SLCO4A1: variants seen among roughly 807,000 people sequenced by gnomAD.
SLCO4A1 encodes solute carrier organic anion transporter family member 4A1, also known as colon organic anion transporter.
SLCO4A1 carries 51 observed loss-of-function variants against 64.6 expected under a neutral mutation model. The ratio of observed to expected loss-of-function variants is 0.79; its 90% CI spans 0.63 to 1.00. The LOEUF (loss-of-function observed/expected upper bound fraction) is 1.00, where lower values mean the gene tolerates loss of function less well. Among genes scored for constraint, SLCO4A1 ranks in the 50% least tolerant of loss-of-function variants. SLCO4A1 has a pLI of 0.00. For missense variants in SLCO4A1, 919 were observed against 980.5 expected (o/e 0.94, Z 0.84); for synonymous variants, 471 against 444.9 (o/e 1.06, Z -0.74).
rs1176831370 is a variant in SLCO4A1 at position 62,657,147 on chromosome 20, G to A, written c.693G>A (p.Met231Ile). The change falls in exon 2 of 12, where the codon ATG becomes ATA. Residue 231 changes from methionine to isoleucine, a missense_variant. Coordinates refer to ENST00000217159, the MANE Select transcript of SLCO4A1 (RefSeq NM_016354.4). The part of the protein sequence containing the change: ...SGLSRYQLVF[M>I]LGQFLHGVGA... ...TGTCCCGCTACCAGCTGGTCTTCAT[G>A]CTGGGCCAGTTCCTGCATGGCGTGG... The A allele has an allele frequency of 6.4e-7, 1 of 1,564,464 alleles. No homozygotes were observed.
At chr20:62,666,290 C>T in intron 6 of SLCO4A1, 90 bp from the exon 7 acceptor site, 1 of 1,159,804 alleles carries the variant, frequency 8.6e-7, no homozygotes, top group Non-Finnish European at 1.3e-6. Flanking sequence ...CTCAGTTTCC[C>T]CACCTGTAAA....
chr20:62,652,397 G>T (rs1163992218), intron 1 of SLCO4A1, among the ~76,000 whole-genome samples: 1 of 152,176 alleles, frequency 6.6e-6, no homozygotes, highest in Non-Finnish European at 1.5e-5. Context: ...GGCCTCTGAG[G>T]TTGCTTTCTG....
chr20:62,660,453 G>A lies in SLCO4A1; in HGVS notation c.929G>A (p.Trp310Ter), dbSNP rs761792817. The A allele has an allele frequency of 1.9e-6, 3 of 1,601,690 alleles. No homozygotes were observed. The highest frequency in any genetic ancestry group is 1.1e-5 in the South Asian group (1 of 91,068). ...TTESPLWVGA[W>*]WVGFLGSGAA... ...GAGAGCCCACTGTGGGTCGGCGCCT[G>A]GTGGGTCGGCTTCCTGGGCTCTGGG... The change falls in exon 4 of 12, where the codon TGG becomes TAG. Residue 310 changes from tryptophan (W) to a stop codon, truncating the protein, a stop_gained. Coordinates refer to ENST00000217159, the MANE Select transcript of SLCO4A1 (RefSeq NM_016354.4). LOFTEE classifies it high-confidence loss of function.
chr20:62,686,425 T>G (rs151206550), downstream of SLCO4A1, among the ~76,000 whole-genome samples: 1 of 152,172 alleles, frequency 6.6e-6, no homozygotes, highest in Non-Finnish European at 1.5e-5. Flanking sequence ...TCAGGATGAA[T>G]GCAACTCCGC....
In SLCO4A1 at chr20:62,657,060, C is replaced by T. The variant is rs780728254; in HGVS notation, c.606C>T (p.Asp202=). The T allele has an allele frequency of 1.1e-5, 18 of 1,598,408 alleles. No individual in the cohort carries two copies. Among genetic ancestry groups the T allele is most frequent in the East Asian group, 4.5e-5 (2 of 44,554 alleles). The change falls in exon 2 of 12, where the codon GAC becomes GAT. Residue 202 remains aspartate (D), a synonymous_variant. Transcript: ENST00000217159. ...FTAGRYEVEL[D]AGVRTCPANP... ...CTGGCCGCTATGAGGTGGAGTTGGACGCGGGTGTCAGGACGTGCCCTGCCA... is the reference window on the plus strand; with the variant it reads ...CTGGCCGCTATGAGGTGGAGTTGGATGCGGGTGTCAGGACGTGCCCTGCCA...
intron 3 of SLCO4A1, among the ~76,000 whole-genome samples, chr20:62,659,923 A>G (rs1984453038): frequency 6.6e-6 from 1 of 152,150 alleles, no homozygotes; most frequent in African/African-American, 2.4e-5. Flanking sequence ...GCCCATGGTT[A>G]TTTTCCACTC....
intron 7 of SLCO4A1, among the ~76,000 whole-genome samples, chr20:62,667,009 C>T (rs1030817236): frequency 2.0e-5 from 3 of 152,222 alleles, no homozygotes; most frequent in East Asian, 1.9e-4. Context: ...CCAAAATACA[C>T]GTAGGTAGCC....
At chr20:62,648,058 C>T (rs1258733837) in intron 1 of SLCO4A1, among the ~76,000 whole-genome samples, 5 of 152,246 alleles carry the variant, frequency 3.3e-5, no homozygotes, top group Non-Finnish European at 1.5e-5. Flanking sequence ...ACACCCTCCC[C>T]AGGCCTGCCC....
rs199840056 is a variant in SLCO4A1 at position 62,667,923 on chromosome 20, G to A, written c.1638+13G>A. ...GGACGGCCAGAAGGTGAGTGGAGCCGCTGCCTACCGCCCCTGTCCTCCCCT... is the reference window on the plus strand; with the variant it reads ...GGACGGCCAGAAGGTGAGTGGAGCCACTGCCTACCGCCCCTGTCCTCCCCT... On this transcript the variant is annotated intron_variant, in intron 8 of 11. Transcript: ENST00000217159. The A allele has an allele frequency of 4.8e-5, 77 of 1,613,932 alleles. No homozygotes were observed. The highest frequency in any genetic ancestry group is 4.3e-4 in the Admixed American group (26 of 60,028).
In SLCO4A1 at chr20:62,648,736, T is replaced by C. The variant is rs563531088; in HGVS notation, c.-97+6183T>C. Reference sequence around the variant, plus strand: ...GTGGTGGTGTGCTGTCAGAGCCTCCTCCCTAAGCCTGGCTCCCAGGGCCTT... The same window carrying C: ...GTGGTGGTGTGCTGTCAGAGCCTCCCCCCTAAGCCTGGCTCCCAGGGCCTT... On this transcript the variant is annotated intron_variant, in intron 1 of 11. Transcript: ENST00000217159. Among the ~76,000 whole-genome samples the C allele has an allele frequency of 3.3e-5, 5 of 152,036 alleles. No individual in the cohort carries two copies. In the South Asian group the frequency reaches 1.0e-3, roughly 32 times the overall value.
chr20:62,653,515 G>A (rs1432426681), intron 1 of SLCO4A1, among the ~76,000 whole-genome samples: 1 of 152,262 alleles, frequency 6.6e-6, no homozygotes, highest in Non-Finnish European at 1.5e-5. Context: ...TGTCAGCATA[G>A]GCCTGTCCCG....
intron 2 of SLCO4A1, among the ~76,000 whole-genome samples, chr20:62,678,941 G>A (rs1987709157): frequency 6.6e-6 from 1 of 152,190 alleles, no homozygotes; most frequent in Admixed American, 6.5e-5. Flanking sequence ...GCATGGGGCT[G>A]GGCAAGGTGG....
At chr20:62,675,566 G>A (rs1285185382), downstream of SLCO4A1, among the ~76,000 whole-genome samples, 1 of 152,240 alleles carries the variant, frequency 6.6e-6, no homozygotes. Flanking sequence ...CAGAGAGGAA[G>A]CAGTCTGGTT....
At position 62,668,506 on chromosome 20, in the gene SLCO4A1, C is replaced by T; in HGVS notation, c.1841C>T (p.Ala614Val). 1.9e-6 allele frequency: 3 copies of T among 1,613,886 alleles called. No homozygotes were observed. Among genetic ancestry groups the T allele is most frequent in the Non-Finnish European group, 2.5e-6 (3 of 1,179,946 alleles). ...RCVRDPQRSF[A>V]LGIQWIVVRI... ...GTCCGTGACCCTCAGAGATCCTTTG[C>T]CCTGGGAATCCAGTGGATTGTAGTT... is the stretch of plus-strand genomic sequence containing the variant. The change falls in exon 10 of 12, where the codon GCC becomes GTC. Residue 614 changes from alanine to valine, a missense_variant. Transcript: ENST00000217159.
At chr20:62,653,526 G>C (rs910658023) in intron 1 of SLCO4A1, among the ~76,000 whole-genome samples, 15 of 152,242 alleles carry the variant, frequency 9.9e-5, no homozygotes, top group Admixed American at 8.5e-4. Context: ...GCCTGTCCCG[G>C]GGCTGGTTCT....
chr20:62,666,768 C>G (rs1209567658), intron 7 of SLCO4A1, 193 bp downstream of exon 7: 1 of 603,910 alleles, frequency 1.7e-6, no homozygotes, highest in Non-Finnish European at 2.9e-6. Context: ...ATGCCAGCCC[C>G]CAGCAGTGCC....
downstream of SLCO4A1, among the ~76,000 whole-genome samples, chr20:62,675,278 T>C (rs4809477): frequency 0.79 from 119,857 of 152,060 alleles, 47,602 homozygotes; most frequent in East Asian, 0.89. Context: ...TGAGACTTCG[T>C]GGTGCGTGAT....
intron 1 of SLCO4A1, among the ~76,000 whole-genome samples, chr20:62,653,095 G>C (rs979271639): frequency 6.6e-6 from 1 of 152,258 alleles, no homozygotes; most frequent in African/African-American, 2.4e-5. Flanking sequence ...CACAGCGGGT[G>C]TTAGCACCCT....
chr20:62,666,532 C>G lies in SLCO4A1; in HGVS notation c.1429C>G (p.Pro477Ala). Residue 477 changes from proline to alanine, a missense_variant, in exon 7 of 12, where the codon CCC becomes GCC. By Grantham distance (27) the Pro-to-Ala change is conservative. Coordinates refer to ENST00000217159, the MANE Select transcript of SLCO4A1 (RefSeq NM_016354.4). ...CATCCTCGTCTTCTCACTGCACTGC[C>G]CCAGTGTGCCCATGGCGGGCGTCAC... Reference protein sequence around the residue: ...LGILVFSLHCPSVPMAGVTAS... With the variant: ...LGILVFSLHCASVPMAGVTAS... 6.2e-7 allele frequency: 1 copy of G among 1,613,276 alleles called. No homozygotes were observed. Among genetic ancestry groups the G allele is most frequent in the Non-Finnish European group, 8.5e-7 (1 of 1,179,960 alleles).
Sources: allele counts gnomAD v4.1 joint callset (sites outside exome capture counted in the v4.1 genomes callset), GRCh38; gene constraint gnomAD v4.1.1; transcripts MANE v1.5; gene names NCBI Gene and HGNC (gene_info 2026-07-23, HGNC 2026-07-21).